The following ARHGEF37 variants were observed in gnomAD, a reference collection of about 807,000 sequenced individuals.
The protein encoded by ARHGEF37 is Rho guanine nucleotide exchange factor 37.
Under a neutral mutation model 71.1 loss-of-function variants are expected in ARHGEF37, and 55 were observed. The observed-to-expected ratio is 0.77, with a 90% CI of 0.62 to 0.97. ARHGEF37 has a LOEUF of 0.97. Ranked by LOEUF, ARHGEF37 falls within the 50% of genes least tolerant of loss-of-function variation. The pLI is 0.00. For synonymous variants in ARHGEF37, 327 were observed against 350.6 expected (o/e 0.93, Z 0.75); for missense variants, 765 against 836.8 (o/e 0.91, Z 1.06).
intron 1 of ARHGEF37, among the ~76,000 whole-genome samples, chr5:149,557,699 T>G (rs990793939): frequency 1.3e-5 from 2 of 152,222 alleles, no homozygotes; most frequent in African/African-American, 4.8e-5. Context: ...GCTTCCACAG[T>G]TAGCAACTTC....
chr5:149,574,411 A>G (rs912972983), intron 1 of ARHGEF37, among the ~76,000 whole-genome samples: 3 of 152,214 alleles, frequency 2.0e-5, no homozygotes. Flanking sequence ...GTCTATCAGG[A>G]AGTTTACTAA....
At chr5:149,629,214 AG>A (rs1406380386) in intron 12 of ARHGEF37, among the ~76,000 whole-genome samples, 3 of 87,972 alleles carry the variant, frequency 3.4e-5, no homozygotes, top group Non-Finnish European at 6.8e-5. Flanking sequence ...AGGGCAAGTG[AG>A]ATTCATTCAT....
intron 1 of ARHGEF37, among the ~76,000 whole-genome samples, chr5:149,558,273 T>G (rs1444781599): frequency 1.3e-5 from 2 of 152,096 alleles, no homozygotes; most frequent in African/African-American, 4.8e-5. Flanking sequence ...TTTGGGAGGC[T>G]GAGGCGGGCG....
Position 149,620,479 on chromosome 5 carries a change from T to C in ARHGEF37, c.1005+15T>C. On this transcript the variant is annotated intron_variant, in intron 8 of 12. Coordinates refer to ENST00000333677, the MANE Select transcript of ARHGEF37 (RefSeq NM_001001669.3). ...TCCTGAAATTTGTGAGTGGAACCTT[T>C]CCTTTCTCCTTTCTTTGTTAGGCAG... 6.4e-7 allele frequency: 1 copy of C among 1,551,560 alleles called. No homozygotes were observed. The highest frequency in any genetic ancestry group is 8.8e-7 in the Non-Finnish European group (1 of 1,131,162).
intron 1 of ARHGEF37, among the ~76,000 whole-genome samples, chr5:149,558,882 A>G (rs1325493789): frequency 1.3e-5 from 2 of 152,132 alleles, no homozygotes; most frequent in Non-Finnish European, 2.9e-5. Context: ...TGCTGTATAA[A>G]ATTCCAGCAT....
In ARHGEF37 at chr5:149,627,187, ACT is replaced by A. The variant is rs771102036; in HGVS notation, c.1579_1580del (p.Leu527AlafsTer93). The A allele has an allele frequency of 6.2e-7, 1 of 1,614,054 alleles. No homozygotes were observed. The highest frequency in any genetic ancestry group is 1.1e-5 in the South Asian group (1 of 91,086). ...NISGTGTLDL[T>X]LPRGQIVAIL... ...CAGTGGGACTGGGACTCTGGACCTG[ACT>A]CTGCCTCGGGGCCAAATCGTGGCCA... On this transcript the variant is annotated frameshift_variant, in exon 11 of 13. Coordinates refer to ENST00000333677, the MANE Select transcript of ARHGEF37 (RefSeq NM_001001669.3). LOFTEE classifies it high-confidence loss of function.
At position 149,598,753 on chromosome 5, in the gene ARHGEF37, T is replaced by TATATAG. The variant is rs869032002; in HGVS notation, c.186+822_186+827dup. 2.4e-3 allele frequency among the ~76,000 whole-genome samples: 201 copies of TATATAG among 85,108 alleles called. 1 individual carries two copies. The highest frequency in any genetic ancestry group is 3.0e-3 in the Non-Finnish European group (127 of 41,922). 55.8% of individuals were successfully genotyped at this position (85,108 alleles called of 152,430 possible). ...AATAAATCTCATATATATATATCTA[T>TATATAG]ATATAGATATAGATATAGATATAGA... On this transcript the variant is annotated intron_variant, in intron 2 of 12. Coordinates refer to ENST00000333677, the MANE Select transcript of ARHGEF37 (RefSeq NM_001001669.3).
In ARHGEF37 at chr5:149,620,441, C is replaced by T. The variant is rs1269711214; in HGVS notation, c.982C>T (p.His328Tyr). Residue 328 changes from histidine to tyrosine, a missense_variant, in exon 8 of 13, where the codon CAC becomes TAC. This residue lies in a region of ARHGEF37 where 167 missense variants were observed against 173.3 expected (regional missense o/e 0.96). Coordinates refer to ENST00000333677, the MANE Select transcript of ARHGEF37 (RefSeq NM_001001669.3). ...VQYCNLARDL[H>Y]LEAFLKFKQR... ...GTATTGCAATTTGGCAAGAGACCTT[C>T]ACCTTGAGGCCTTCCTGAAATTTGT... The T allele has an allele frequency of 1.2e-6, 2 of 1,610,874 alleles. No individual in the cohort carries two copies. Among genetic ancestry groups the T allele is most frequent in the South Asian group, 2.2e-5 (2 of 90,492 alleles).
At chr5:149,620,194 C>T (rs887186562) in intron 7 of ARHGEF37, among the ~76,000 whole-genome samples, 160 bp from the exon 8 acceptor site, 2 of 152,156 alleles carry the variant, frequency 1.3e-5, no homozygotes, top group African/African-American at 4.8e-5. Flanking sequence ...ACTTTCTAAT[C>T]ACTTAAGCTG....
At chr5:149,556,216 T>C (rs1033363898) in intron 1 of ARHGEF37, among the ~76,000 whole-genome samples, 1 of 151,988 alleles carries the variant, frequency 6.6e-6, no homozygotes, top group Non-Finnish European at 1.5e-5. Context: ...ATTTTTGAGA[T>C]GGAGTCTCAC....
At chr5:149,584,592 T>C (rs1763184199) in intron 1 of ARHGEF37, among the ~76,000 whole-genome samples, 1 of 152,158 alleles carries the variant, frequency 6.6e-6, no homozygotes, top group Non-Finnish European at 1.5e-5. Flanking sequence ...AACTGTTCTT[T>C]ATATGTTTCT....
chr5:149,613,713 A>G (rs1561802833), intron 4 of ARHGEF37, among the ~76,000 whole-genome samples: 1 of 151,750 alleles, frequency 6.6e-6, no homozygotes, highest in Non-Finnish European at 1.5e-5. Context: ...TAACCATAGT[A>G]ATGAATATCT....
chr5:149,618,378 A>C, intron 6 of ARHGEF37, 72 bp downstream of exon 6: 1 of 1,595,920 alleles, frequency 6.3e-7, no homozygotes, highest in Non-Finnish European at 8.5e-7. Flanking sequence ...GTGGGTAGAC[A>C]GGGGACTTAG....
chr5:149,564,443 C>A (rs1271695921), intron 1 of ARHGEF37, among the ~76,000 whole-genome samples: 1 of 152,090 alleles, frequency 6.6e-6, no homozygotes, highest in Non-Finnish European at 1.5e-5. Context: ...CCTGCTTTTT[C>A]ATTTCTCCCG....
chr5:149,579,962 C>A (rs1212844641), upstream of ARHGEF37, among the ~76,000 whole-genome samples: 2 of 152,208 alleles, frequency 1.3e-5, no homozygotes, highest in Non-Finnish European at 2.9e-5. Context: ...CATCTCCTTA[C>A]AGCTTTCTGC....
At chr5:149,604,358 T>G (rs867694471) in intron 3 of ARHGEF37, among the ~76,000 whole-genome samples, 1 of 152,128 alleles carries the variant, frequency 6.6e-6, no homozygotes, top group Non-Finnish European at 1.5e-5. Context: ...GCATGGGACT[T>G]ACTTACGCTA....
At chr5:149,628,705 G>A (rs757649323) in intron 11 of ARHGEF37, 104 bp from the exon 12 acceptor site, 21 of 1,416,366 alleles carry the variant, frequency 1.5e-5, no homozygotes, top group Middle Eastern at 2.1e-4. Context: ...TCTCTTGGGT[G>A]TTGAGAAGCT....
intron 1 of ARHGEF37, among the ~76,000 whole-genome samples, chr5:149,596,173 C>T (rs1763539626): frequency 1.3e-5 from 2 of 152,122 alleles, no homozygotes; most frequent in South Asian, 4.2e-4. Flanking sequence ...GTTTGAGGGC[C>T]CTAGTGATTT....
intron 11 of ARHGEF37, 52 bp downstream of exon 11, chr5:149,627,323 A>C: frequency 6.4e-7 from 1 of 1,571,110 alleles, no homozygotes; most frequent in Non-Finnish European, 8.6e-7. Context: ...ACCACCCCAC[A>C]GAAGCCGGTG....
Sources: gnomAD v4.1 joint callset for allele counts (sites outside exome capture counted in the v4.1 genomes callset) on GRCh38, gnomAD v4.1.1 for gene constraint, gnomAD v4.1.1 regional missense constraint, MANE v1.5 for transcripts, NCBI Gene and HGNC (gene_info 2026-07-23, HGNC 2026-07-21) for gene names.